RNF180: variants seen among roughly 807,000 people sequenced by gnomAD.
The protein encoded by RNF180 is ring finger protein 180, also known as E3 ubiquitin-protein ligase RNF180.
RNF180 carries 38 observed loss-of-function variants against 59.2 expected under a neutral mutation model. The ratio of observed to expected loss-of-function variants is 0.64; its 90% CI spans 0.50 to 0.84. RNF180 has a LOEUF of 0.84. RNF180 is among the 40% of genes least tolerant of loss of function. RNF180 has a pLI of 0.00. For synonymous variants in RNF180, 262 were observed against 240.3 expected, an observed-to-expected ratio of 1.09 and a Z score of -0.84; for missense variants, 705 against 700.9, an observed-to-expected ratio of 1.01 and a Z score of -0.07.
At chr5:64,212,004 G>A in intron 2 of RNF180, 61 bp from the exon 3 acceptor site, 1 of 981,236 alleles carries the variant, frequency 1.0e-6, no homozygotes, top group South Asian at 1.5e-5. Context: ...ACTTAAATAT[G>A]AAACCTGTGA....
rs142176017 is a variant in RNF180 at position 64,222,810 on chromosome 5, A to G, written c.1227+5414A>G. ...CCTTGTAAATGAAGACAAATATGCT[A>G]TGTTATCTCTTCTCTGCACATGAGT... On this transcript the variant is annotated intron_variant, in intron 5 of 7. Coordinates refer to ENST00000389100, the MANE Select transcript of RNF180 (RefSeq NM_001113561.2). Among the ~76,000 whole-genome samples, 795 of 152,330 alleles carry G rather than the reference A, an allele frequency of 5.2e-3. 8 individuals are homozygous for G. The highest frequency in any genetic ancestry group is 0.018 in the African/African-American group (761 of 41,570).
intron 5 of RNF180, among the ~76,000 whole-genome samples, chr5:64,307,338 A>T (rs1322650266): frequency 1.3e-5 from 2 of 151,582 alleles, no homozygotes; most frequent in Non-Finnish European, 3.0e-5. Context: ...AACTGCATTT[A>T]AAAATTAGTG....
At chr5:64,170,506 G>T (rs1172003541) in intron 1 of RNF180, among the ~76,000 whole-genome samples, 3 of 152,154 alleles carry the variant, frequency 2.0e-5, no homozygotes, top group Admixed American at 2.0e-4. Flanking sequence ...GGGTTTGGCA[G>T]GACAGATCCA....
intron 5 of RNF180, among the ~76,000 whole-genome samples, chr5:64,297,316 T>C (rs938867629): frequency 1.2e-4 from 19 of 152,068 alleles, no homozygotes; most frequent in African/African-American, 4.6e-4. Context: ...CATTTTTCAG[T>C]GCTTTATAGA....
chr5:64,327,213 G>A (rs1213167620), intron 6 of RNF180, among the ~76,000 whole-genome samples: 1 of 151,674 alleles, frequency 6.6e-6, no homozygotes, highest in Non-Finnish European at 1.5e-5. Context: ...TGTCAATTTG[G>A]TTTATCTTTC....
At chr5:64,207,103 T>C (rs1752055326) in intron 2 of RNF180, among the ~76,000 whole-genome samples, 1 of 151,822 alleles carries the variant, frequency 6.6e-6, no homozygotes, top group African/African-American at 2.4e-5. Context: ...AAATGTATTC[T>C]AATTATATTA....
At chr5:64,224,103 G>A (rs1035510297) in intron 5 of RNF180, among the ~76,000 whole-genome samples, 2 of 147,124 alleles carry the variant, frequency 1.4e-5, no homozygotes, top group Admixed American at 6.8e-5. Context: ...GTGTGTGTGT[G>A]TACATACATA....
chr5:64,372,123 A>C lies in RNF180; in HGVS notation c.*2309A>C, dbSNP rs1746676914. The C allele has an allele frequency of 6.6e-6, 1 of 151,798 alleles. No individual in the cohort carries two copies. The highest frequency in any genetic ancestry group is 1.5e-5 in the Non-Finnish European group (1 of 67,800). The allele number at this position is 151,798 out of a possible 1,614,324, so 9.4% of individuals were successfully genotyped here. On this transcript the variant is annotated 3_prime_UTR_variant, in exon 8 of 8. Coordinates refer to ENST00000389100, the MANE Select transcript of RNF180 (RefSeq NM_001113561.2). Reference sequence around the variant, plus strand: ...ATTTTATGAGTTATCATTATCAATAATTTCTATTTCTACCAAGCTTAATTA... The same window carrying C: ...ATTTTATGAGTTATCATTATCAATACTTTCTATTTCTACCAAGCTTAATTA...
At chr5:64,351,722 G>A (rs1045793726) in intron 7 of RNF180, among the ~76,000 whole-genome samples, 1 of 151,640 alleles carries the variant, frequency 6.6e-6, no homozygotes. Flanking sequence ...ATTTTCGTAT[G>A]TTGAACCAGC....
chr5:64,335,382 C>T (rs987870418), intron 7 of RNF180, among the ~76,000 whole-genome samples: 10 of 151,828 alleles, frequency 6.6e-5, no homozygotes, highest in Admixed American at 2.6e-4. Context: ...CTTCTCTTTC[C>T]CCAAGGTCAT....
intron 5 of RNF180, among the ~76,000 whole-genome samples, chr5:64,228,506 CCT>C (rs1211636244): frequency 6.6e-6 from 1 of 152,032 alleles, no homozygotes; most frequent in Non-Finnish European, 1.5e-5. Context: ...AGAACAATAC[CCT>C]GTCTCAAAAA....
intron 1 of RNF180, among the ~76,000 whole-genome samples, chr5:64,175,123 A>G (rs1364805773): frequency 6.6e-6 from 1 of 151,780 alleles, no homozygotes; most frequent in East Asian, 1.9e-4. Flanking sequence ...ATGTGCCACC[A>G]CACCCGGCTA....
At chr5:64,171,569 T>G (rs571663930) in intron 1 of RNF180, among the ~76,000 whole-genome samples, 2 of 152,326 alleles carry the variant, frequency 1.3e-5, no homozygotes, top group African/African-American at 4.8e-5. Flanking sequence ...AGGGGAACTT[T>G]CTTGGATTAT....
chr5:64,338,118 TA>T (rs1745206797), intron 7 of RNF180, among the ~76,000 whole-genome samples: 1 of 152,226 alleles, frequency 6.6e-6, no homozygotes, highest in Non-Finnish European at 1.5e-5. Flanking sequence ...TTGATATTGG[TA>T]TGTTGTTATC....
At chr5:64,188,954 T>A (rs1490324692) in intron 1 of RNF180, among the ~76,000 whole-genome samples, 7 of 151,952 alleles carry the variant, frequency 4.6e-5, no homozygotes, top group Non-Finnish European at 1.0e-4. Flanking sequence ...TTAAATGAGG[T>A]CACAGGGTGA....
intron 5 of RNF180, among the ~76,000 whole-genome samples, chr5:64,225,821 G>A (rs1405610947): frequency 2.8e-5 from 4 of 144,102 alleles, no homozygotes; most frequent in Non-Finnish European, 6.1e-5. Flanking sequence ...GCCTCTGCCC[G>A]GCCGCCCCGT....
chr5:64,277,194 G>A (rs867171899), intron 5 of RNF180, among the ~76,000 whole-genome samples: 95 of 134,516 alleles, frequency 7.1e-4, no homozygotes, highest in East Asian at 3.6e-3. Context: ...AAAAAAAGGG[G>A]AAAAAAAAAA....
intron 5 of RNF180, among the ~76,000 whole-genome samples, chr5:64,262,885 GTC>G (rs1439228494): frequency 6.6e-6 from 1 of 152,108 alleles, no homozygotes; most frequent in Non-Finnish European, 1.5e-5. Context: ...TGACAGTGAT[GTC>G]TCTGCCTAAC....
chr5:64,218,356 A>G lies in RNF180; in HGVS notation c.1227+960A>G, dbSNP rs1289169477. Among the ~76,000 whole-genome samples, 3 of 152,194 alleles carry G rather than the reference A, an allele frequency of 2.0e-5. No homozygotes were observed. The East Asian group carries it at 5.8e-4, about 29-fold the overall frequency. Reference sequence around the variant, plus strand: ...TTACATAGAGATCCTCAGTTGTTTCAGCACCAGTTGTTGAAAACAATGTCC... The same window carrying G: ...TTACATAGAGATCCTCAGTTGTTTCGGCACCAGTTGTTGAAAACAATGTCC... On this transcript the variant is annotated intron_variant, in intron 5 of 7. Transcript: ENST00000389100.
Sources: allele counts gnomAD v4.1 joint callset (sites outside exome capture counted in the v4.1 genomes callset), GRCh38; gene constraint gnomAD v4.1.1; transcripts MANE v1.5; gene names NCBI Gene and HGNC (gene_info 2026-07-23, HGNC 2026-07-21).